The following CSAG1 variants were observed in gnomAD, a reference collection of about 807,000 sequenced individuals.
CSAG1 encodes the protein chondrosarcoma associated gene 1, also known as chondrosarcoma-associated gene 1 protein.
CSAG1 carries 4 observed loss-of-function variants against 4.8 expected under a neutral mutation model. The observed-to-expected ratio is 0.83, with a 90% CI of 0.41 to 1.90. The LOEUF (loss-of-function observed/expected upper bound fraction) is 1.90, where lower values mean the gene tolerates loss of function less well. Ranked by LOEUF, CSAG1 falls within the 40% of genes most tolerant of loss-of-function variation. CSAG1 has a pLI of 0.03. For synonymous variants in CSAG1, 21 were observed against 23.1 expected (o/e 0.91, Z 0.26); for missense variants, 69 against 59.5 (o/e 1.16, Z -0.53).
intron 2 of CSAG1, among the ~76,000 whole-genome samples, chrX:152,730,150 G>A (rs1256210300): frequency 9.2e-6 from 1 of 108,930 alleles, no homozygotes; most frequent in Admixed American, 9.7e-5. Context: ...CTAAAGAAAC[G>A]AGTCTAGAAA....
rs186491646 is a variant in CSAG1 at position 152,731,215 on chromosome X, A to T, written c.16+1230T>A. On this transcript the variant is annotated intron_variant, in intron 2 of 3. Transcript: ENST00000452779. ...TCGGTATCAAGTATCCTGGGTTCAT[A>T]ATATTAGTTTCTGTTATTCTGTATG... 9.8e-5 allele frequency among the ~76,000 whole-genome samples: 11 copies of T among 111,793 alleles called. No individual in the cohort carries two copies. In the East Asian group the frequency reaches 1.4e-3, roughly 14 times the overall value.
At chrX:152,731,936 A>G (rs1204148097) in intron 2 of CSAG1, among the ~76,000 whole-genome samples, 3 of 112,630 alleles carry the variant, frequency 2.7e-5, no homozygotes, top group East Asian at 2.8e-4. Flanking sequence ...TCGAAGAACT[A>G]TCATTCCAGT....
rs1932066401 is a variant in CSAG1, at chrX:152,728,233, T to A, written c.17-9A>T. 1 of 1,198,702 alleles carries A rather than the reference T, an allele frequency of 8.3e-7. No individual in the cohort carries two copies. Among genetic ancestry groups the A allele is most frequent in the African/African-American group, 1.8e-5 (1 of 56,847 alleles). On this transcript the variant is annotated splice_polypyrimidine_tract_variant and intron_variant, in intron 2 of 3. Transcript: ENST00000452779. ...GAAGGCAGGCCAGCAGGCTAGAAAC[T>A]CACACGACATTATTATGTTAGTCTT...
chrX:152,733,325 G>A (rs1602871252), intron 1 of CSAG1: 2 of 112,311 alleles, frequency 1.8e-5, no homozygotes, highest in Admixed American at 1.9e-4. Flanking sequence ...GGACCCTCTT[G>A]AGTGAGGACT....
intron 2 of CSAG1, among the ~76,000 whole-genome samples, chrX:152,731,196 T>A (rs1181735881): frequency 7.2e-5 from 8 of 111,769 alleles, no homozygotes; most frequent in Non-Finnish European, 1.3e-4. Flanking sequence ...ATGCTCGGTA[T>A]CAAGTATCCT....
chrX:152,728,035 T>C lies in CSAG1; in HGVS notation c.167+39A>G, dbSNP rs1556830683. 19 of 1,208,973 alleles carry C rather than the reference T, an allele frequency of 1.6e-5. No individual in the cohort carries two copies. The African/African-American group carries it at 3.2e-4, about 20-fold the overall frequency. On this transcript the variant is annotated intron_variant, in intron 3 of 3. Transcript: ENST00000452779. ...GTGGGCCATTCACTTTGATAGGGCT[T>C]CTGGGCCAGGGATGAGAGGATGCTT... is the stretch of plus-strand genomic sequence containing the variant.
chrX:152,733,227 AG>A (rs1188769110), intron 1 of CSAG1: 1 of 111,522 alleles, frequency 9.0e-6, no homozygotes, highest in African/African-American at 3.3e-5. Context: ...ATTCTCTACA[AG>A]GGGTGCAGCT....
At chrX:152,728,473 T>C (rs1932073200) in intron 2 of CSAG1, among the ~76,000 whole-genome samples, 1 of 112,065 alleles carries the variant, frequency 8.9e-6, no homozygotes, top group African/African-American at 3.2e-5. Flanking sequence ...CACATAATAC[T>C]AGCCACTGCA....
rs72616406 is a variant in CSAG1, at chrX:152,733,503, G to A, written c.-45+165C>T. Among the ~76,000 whole-genome samples, 13 of 110,824 alleles carry A rather than the reference G, an allele frequency of 1.2e-4. No homozygotes were observed. The East Asian group carries it at 3.5e-3, about 29-fold the overall frequency. ...TGGTCTGAGGGGAGCAGACACAATC[G>A]GCAGAGGATGGCGGTCCAGGCTCAG... is the stretch of plus-strand genomic sequence containing the variant. On this transcript the variant is annotated intron_variant, in intron 1 of 3. Transcript: ENST00000452779.
chrX:152,728,720 G>T (rs1250882710), intron 2 of CSAG1, among the ~76,000 whole-genome samples: 2 of 111,821 alleles, frequency 1.8e-5, no homozygotes, highest in Admixed American at 9.4e-5. Context: ...GGCGGGGTTG[G>T]CTTCTGGTGA....
rs1932064563 is a variant in CSAG1 at position 152,728,193 on chromosome X, T to C, written c.48A>G (p.Glu16=). Residue 16 remains glutamate (E), a synonymous_variant, in exon 3 of 4, where the codon GAA becomes GAG. Coordinates refer to ENST00000452779, the MANE Select transcript of CSAG1 (RefSeq NM_001102576.3). ...ACWPAFTVLG[E]ARGDQVDWSR... ...TCCAGTCCACCTGGTCTCCCCGAGC[T>C]TCCCCCAGGACAGTGAAGGCAGGCC... The C allele has an allele frequency of 1.4e-5, 17 of 1,209,476 alleles. No individual in the cohort carries two copies. Among genetic ancestry groups the C allele is most frequent in the African/African-American group, 3.5e-5 (2 of 57,110 alleles).
At chrX:152,727,885 C>A (rs1372174831) in intron 3 of CSAG1, 22 bp from the exon 4 acceptor site, 1 of 1,200,287 alleles carries the variant, frequency 8.3e-7, no homozygotes, top group African/African-American at 1.8e-5. Context: ...ACAGGGAGAT[C>A]ACAGGAGGGC....
At chrX:152,732,767 T>C (rs1315441919) in intron 1 of CSAG1, among the ~76,000 whole-genome samples, 4 of 112,248 alleles carry the variant, frequency 3.6e-5, no homozygotes, top group South Asian at 3.7e-4. Flanking sequence ...CTGAGGCAGC[T>C]CCTGAAAACA....
intron 2 of CSAG1, among the ~76,000 whole-genome samples, chrX:152,730,852 T>A (rs782588296): frequency 5.0e-4 from 56 of 112,462 alleles, no homozygotes; most frequent in African/African-American, 1.7e-3. Context: ...AGCTGTATTA[T>A]AGATGTATGA....
intron 2 of CSAG1, 108 bp downstream of exon 2, chrX:152,732,336 GA>G: frequency 2.0e-6 from 2 of 1,023,185 alleles, no homozygotes. Flanking sequence ...ACATATTCAG[GA>G]AAAAATAGCT....
chrX:152,732,382 T>C (rs368464578), intron 2 of CSAG1, 63 bp downstream of exon 2: 64 of 1,158,620 alleles, frequency 5.5e-5, no homozygotes, highest in East Asian at 2.4e-4. Context: ...TATTCATTCA[T>C]GGGGAACACA....
intron 2 of CSAG1, 22 bp from the exon 3 acceptor site, chrX:152,728,246 T>A: frequency 8.4e-7 from 1 of 1,192,802 alleles, no homozygotes; most frequent in Non-Finnish European, 1.1e-6. Context: ...CACGACATTA[T>A]TATGTTAGTC....
Position 152,727,838 on chromosome X carries a change from T to G in CSAG1, c.193A>C (p.Lys65Gln), listed in dbSNP as rs1556830584. Residue 65 changes from lysine (K) to glutamine (Q), a missense_variant, in exon 4 of 4, where the codon AAG becomes CAG. Physicochemically the swap from Lys to Gln is moderately conservative, Grantham distance 53. Coordinates refer to ENST00000452779, the MANE Select transcript of CSAG1 (RefSeq NM_001102576.3). ...KRFPRQPRRE[K>Q]GPVKEVPGTK... is the part of the protein sequence containing the mutation. ...CCTGGAACTTCCTTGACGGGTCCCT[T>G]TTCCCTTCTGGGTTGTCTTGGGAAC... is the stretch of plus-strand genomic sequence containing the variant. 2.0e-5 allele frequency: 24 copies of G among 1,208,979 alleles called. No homozygotes were observed. Among genetic ancestry groups the G allele is most frequent in the East Asian group, 1.5e-4 (5 of 33,775 alleles).
rs1331639180 is a variant in CSAG1 at position 152,727,590 on chromosome X, G to A, written c.*204C>T. ...GCTATTTATCTGGGGTTAGACTTCT[G>A]GAGACTTTTCAGATAGACTTGAAGT... is the stretch of plus-strand genomic sequence containing the variant. On this transcript the variant is annotated 3_prime_UTR_variant, in exon 4 of 4. Coordinates refer to ENST00000452779, the MANE Select transcript of CSAG1 (RefSeq NM_001102576.3). 5.2e-5 allele frequency: 26 copies of A among 497,706 alleles called. No homozygotes were observed. Among genetic ancestry groups the A allele is most frequent in the Non-Finnish European group, 8.0e-5 (23 of 288,236 alleles). The allele number at this position is 497,706 out of a possible 1,213,427, so 41.0% of individuals were successfully genotyped here.
Sources: allele counts gnomAD v4.1 joint callset (sites outside exome capture counted in the v4.1 genomes callset), GRCh38; gene constraint gnomAD v4.1.1; transcripts MANE v1.5; gene names NCBI Gene and HGNC (gene_info 2026-07-23, HGNC 2026-07-21).